Variants in UBR4 observed in about 807,000 individuals in gnomAD.
UBR4 encodes E3 ubiquitin-protein ligase UBR4.
A neutral mutation model predicts 575.6 loss-of-function variants in UBR4; 124 were observed. The observed-to-expected ratio is 0.22, with a 90% CI of 0.19 to 0.25. UBR4 has a LOEUF of 0.25. Among genes scored for constraint, UBR4 ranks in the 10% least tolerant of loss-of-function variants. The probability of loss-of-function intolerance (pLI) is 1.00; values close to 1 mark genes in which losing one functional copy is unlikely to be tolerated. For missense variants in UBR4, 4,818 were observed against 6,478.8 expected (o/e 0.74, Z 8.80); for synonymous variants, 2,455 against 2,473.7 (o/e 0.99, Z 0.22).
In UBR4 at chr1:19,148,019, T is replaced by G; in HGVS notation, c.7603A>C (p.Ser2535Arg). ...TTGTGGCTGTGGTAGGCCGAGCGGCTGGTGTGCAGGCTGGCCAGAAGGCTC... is the reference window on the plus strand; with the variant it reads ...TTGTGGCTGTGGTAGGCCGAGCGGCGGGTGTGCAGGCTGGCCAGAAGGCTC... ...SKSLLASLHT[S>R]RSAYHSHKDQ... The change falls in exon 51 of 106, where the codon AGC (serine) becomes CGC (arginine). Residue 2535 changes from serine to arginine, a missense_variant. This residue lies in a region of UBR4 where 340 missense variants were observed against 375.4 expected (regional missense o/e 0.91). Transcript: ENST00000375254. The G allele has an allele frequency of 6.2e-7, 1 of 1,613,066 alleles. No individual in the cohort carries two copies. Among genetic ancestry groups the G allele is most frequent in the Non-Finnish European group, 8.5e-7 (1 of 1,179,910 alleles).
chr1:19,165,017 C>A lies in UBR4; in HGVS notation c.4313-20G>T. The A allele has an allele frequency of 6.2e-7, 1 of 1,613,070 alleles. No homozygotes were observed. The highest frequency in any genetic ancestry group is 1.3e-5 in the African/African-American group (1 of 74,892). ...TCTCAGCTAGGAGCAGAACAAGAGG[C>A]CAGGGTCAGTAAAGAAGGGCAAGAG... On this transcript the variant is annotated intron_variant, in intron 31 of 105. Transcript: ENST00000375254.
At position 19,153,535 on chromosome 1, in the gene UBR4, C is replaced by T; in HGVS notation, c.6631-33G>A. 1.2e-6 allele frequency: 2 copies of T among 1,609,114 alleles called. No individual in the cohort carries two copies. Among genetic ancestry groups the T allele is most frequent in the East Asian group, 4.5e-5 (2 of 44,844 alleles). On this transcript the variant is annotated intron_variant, in intron 45 of 105. Transcript: ENST00000375254. This position sits in a 1 kb window ranked among gnomAD's most constrained non-coding sequence, Gnocchi z 4.1. Reference sequence around the variant, plus strand: ...GAGAGGACAAAGGAGGGTCTTCGTTCCCACACCCACAGATCAGCATCCTCA... The same window carrying T: ...GAGAGGACAAAGGAGGGTCTTCGTTTCCACACCCACAGATCAGCATCCTCA...
At chr1:19,201,605 G>T in intron 2 of UBR4, 113 bp downstream of exon 2, 1 of 831,724 alleles carries the variant, frequency 1.2e-6, no homozygotes, top group Admixed American at 2.5e-5. Flanking sequence ...AGCAGCTTAG[G>T]AGTGCTAAAA....
chr1:19,076,912 TCAACAGGAGA>T lies in UBR4; in HGVS notation c.15325-20_15325-11del. 6.5e-7 allele frequency: 1 copy of T among 1,540,500 alleles called. No individual in the cohort carries two copies. The highest frequency in any genetic ancestry group is 1.3e-5 in the South Asian group (1 of 78,256). On this transcript the variant is annotated splice_polypyrimidine_tract_variant and intron_variant, in intron 104 of 105. Transcript: ENST00000375254. ...TACTGGTAGGCACCTTCTACGAGAA[TCAACAGGAGA>T]CAAGAGAGGTGGGTGACTTACTGCT... is the stretch of plus-strand genomic sequence containing the variant.
At chr1:19,165,186 T>C (rs2088124159) in intron 31 of UBR4, 63 bp downstream of exon 31, 1 of 1,509,332 alleles carries the variant, frequency 6.6e-7, no homozygotes, top group African/African-American at 1.4e-5. Flanking sequence ...AGGCAGAAGA[T>C]ATGCACAGTA....
At chr1:19,144,499 A>G (rs528618693) in intron 54 of UBR4, among the ~76,000 whole-genome samples, 21 of 152,338 alleles carry the variant, frequency 1.4e-4, no homozygotes, top group African/African-American at 5.1e-4. Flanking sequence ...ACTTTCATTC[A>G]TGTGCTCATT....
At chr1:19,179,284 T>C (rs1436167214) in intron 17 of UBR4, 64 bp from the exon 18 acceptor site, 5 of 1,438,646 alleles carry the variant, frequency 3.5e-6, no homozygotes, top group Admixed American at 5.6e-5. Context: ...AAAAGGTTAC[T>C]CATGTTCTCA....
intron 29 of UBR4, 58 bp downstream of exon 29, chr1:19,166,964 A>C: frequency 6.4e-7 from 1 of 1,573,764 alleles, no homozygotes; most frequent in Non-Finnish European, 8.7e-7. Flanking sequence ...GTGTTAGTAC[A>C]TTTCACTGAT....
rs2089806479 is a variant in UBR4 at position 19,173,106 on chromosome 1, G to A, written c.3292-13C>T. 6.2e-7 allele frequency: 1 copy of A among 1,613,718 alleles called. No homozygotes were observed. Among genetic ancestry groups the A allele is most frequent in the East Asian group, 2.2e-5 (1 of 44,866 alleles). Reference sequence around the variant, plus strand: ...AGAAGGATGAGATCTTTAAAAATATGCAAAATATAATTAGCTGTGGCAATG... The same window carrying A: ...AGAAGGATGAGATCTTTAAAAATATACAAAATATAATTAGCTGTGGCAATG... On this transcript the variant is annotated splice_polypyrimidine_tract_variant and intron_variant, in intron 24 of 105. Transcript: ENST00000375254.
At chr1:19,142,527 C>T (rs147926543) in intron 55 of UBR4, among the ~76,000 whole-genome samples, 296 of 152,266 alleles carry the variant, frequency 1.9e-3, no homozygotes, top group Middle Eastern at 6.8e-3. Context: ...AAAGCTTAGG[C>T]AAGATAAATG....
At chr1:19,086,082 C>A (rs577704269) in intron 101 of UBR4, 63 bp downstream of exon 101, 3 of 1,580,502 alleles carry the variant, frequency 1.9e-6, no homozygotes, top group South Asian at 1.2e-5. Context: ...GGGCTGATAG[C>A]GGGTCTTGTC....
In UBR4 at chr1:19,185,166, T is replaced by C; in HGVS notation, c.1871A>G (p.Lys624Arg). The C allele has an allele frequency of 6.2e-7, 1 of 1,614,186 alleles. No homozygotes were observed. The highest frequency in any genetic ancestry group is 1.3e-5 in the African/African-American group (1 of 75,042). Residue 624 changes from lysine to arginine, a missense_variant, in exon 15 of 106, where the codon AAA becomes AGA. Around this residue, in one of 29 missense-constraint regions of UBR4, gnomAD observed 1,172 missense variants for 1,259.7 expected, o/e 0.93. Transcript: ENST00000375254. ...PPPLESSPRV[K>R]SPSKQAPGEK... ...ACCAGGGGCCTGCTTACTGGGGCTT[T>C]TAACCCGAGGAGAGCTTTCCAGTGG...
At chr1:19,189,670 T>C (rs80184889) in intron 11 of UBR4, among the ~76,000 whole-genome samples, 2,994 of 152,332 alleles carry the variant, frequency 0.02, 41 homozygotes, top group South Asian at 0.055. Context: ...TCTGTATGGC[T>C]TGTCACTTAT....
intron 1 of UBR4, among the ~76,000 whole-genome samples, chr1:19,208,817 T>C (rs551089994): frequency 7.9e-5 from 12 of 152,330 alleles, no homozygotes; most frequent in African/African-American, 2.6e-4. Context: ...CTAAAAAGAC[T>C]GGAACGTTAC....
At position 19,113,836 on chromosome 1, in the gene UBR4, C is replaced by T. The variant is rs762823415; in HGVS notation, c.11329-9G>A. 1.9e-6 allele frequency: 3 copies of T among 1,614,034 alleles called. No individual in the cohort carries two copies. The highest frequency in any genetic ancestry group is 2.5e-6 in the Non-Finnish European group (3 of 1,180,008). On this transcript the variant is annotated splice_polypyrimidine_tract_variant and intron_variant, in intron 76 of 105. Transcript: ENST00000375254. ...GCTGTTCCTGAGTCATCCTGCAACC[C>T]CAAGAGGTAAGCTGTCAGGCTCCCC...
At position 19,110,999 on chromosome 1, in the gene UBR4, T is replaced by G. The variant is rs917185053; in HGVS notation, c.11802-167A>C. Among the ~76,000 whole-genome samples the G allele has an allele frequency of 3.3e-5, 5 of 152,184 alleles. No homozygotes were observed. Among genetic ancestry groups the G allele is most frequent in the African/African-American group, 9.7e-5 (4 of 41,450 alleles). ...CTAGAACTTTAGCTTCACAAAACCG[T>G]GGTCGGTAATAATAAAGGGCCCATT... is the stretch of plus-strand genomic sequence containing the variant. On this transcript the variant is annotated intron_variant, in intron 78 of 105. Coordinates refer to ENST00000375254, the MANE Select transcript of UBR4 (RefSeq NM_020765.3). The surrounding 1 kb of genome is among the most constrained non-coding windows in gnomAD (Gnocchi z 4.5).
In UBR4 at chr1:19,156,260, T is replaced by A; in HGVS notation, c.6072+11A>T. 1.2e-6 allele frequency: 2 copies of A among 1,613,776 alleles called. No homozygotes were observed. Among genetic ancestry groups the A allele is most frequent in the Non-Finnish European group, 8.5e-7 (1 of 1,179,846 alleles). On this transcript the variant is annotated intron_variant, in intron 42 of 105. Coordinates refer to ENST00000375254, the MANE Select transcript of UBR4 (RefSeq NM_020765.3). ...TTCTAGGACCATATCATCAAAGAAC[T>A]GTAACTGTACCTTAACAAAGTCTGC...
At position 19,094,158 on chromosome 1, in the gene UBR4, T is replaced by C. The variant is rs376156297; in HGVS notation, c.13747-19A>G. 3 of 1,601,778 alleles carry C rather than the reference T, an allele frequency of 1.9e-6. No individual in the cohort carries two copies. Among genetic ancestry groups the C allele is most frequent in the Non-Finnish European group, 1.7e-6 (2 of 1,172,656 alleles). ...GGTTGCCCTGCAACAGAAAAGAGGGTGAACATGCCATTAATGCAGTCAGGA... is the reference window on the plus strand; with the variant it reads ...GGTTGCCCTGCAACAGAAAAGAGGGCGAACATGCCATTAATGCAGTCAGGA... On this transcript the variant is annotated intron_variant, in intron 94 of 105. Coordinates refer to ENST00000375254, the MANE Select transcript of UBR4 (RefSeq NM_020765.3).
At position 19,161,020 on chromosome 1, in the gene UBR4, G is replaced by T; in HGVS notation, c.5303C>A (p.Ala1768Asp). The change falls in exon 38 of 106, where the codon GCC (alanine) becomes GAC (aspartate). Residue 1768 changes from alanine to aspartate, a missense_variant. By Grantham distance (126) the Ala-to-Asp change is moderately radical. Transcript: ENST00000375254. ...HASTSSPADK[A>D]KVTISDGKVA... The stretch of plus-strand genomic sequence containing the variant: ...CTTTCCATCACTGATGGTAACCTTG[G>T]CTTTGTCAGCTGGCGAGGAGGTGCT... The T allele has an allele frequency of 6.2e-7, 1 of 1,614,106 alleles. No homozygotes were observed. The highest frequency in any genetic ancestry group is 8.5e-7 in the Non-Finnish European group (1 of 1,180,020).
Sources: allele counts gnomAD v4.1 joint callset (sites outside exome capture counted in the v4.1 genomes callset), GRCh38; gene constraint gnomAD v4.1.1; regional missense constraint gnomAD v4.1.1; non-coding constraint Gnocchi (gnomAD v3.1); transcripts MANE v1.5; gene names NCBI Gene and HGNC (gene_info 2026-07-23, HGNC 2026-07-21).